MMEL1: variants seen among roughly 807,000 people sequenced by gnomAD.
MMEL1 encodes the protein membrane metallo-endopeptidase-like 1.
Under a neutral mutation model 117.1 loss-of-function variants are expected in MMEL1, and 98 were observed. That is an observed-to-expected ratio of 0.84 (90% CI 0.71 to 0.99). MMEL1 has a LOEUF of 0.99. Among genes scored for constraint, MMEL1 ranks in the 50% least tolerant of loss-of-function variants. The pLI, the probability that MMEL1 is intolerant of heterozygous loss-of-function variation, is 0.00. For synonymous variants in MMEL1, 390 were observed against 415.1 expected (o/e 0.94, Z 0.74); for missense variants, 1,014 against 1,049.1 (o/e 0.97, Z 0.46).
intron 11 of MMEL1, among the ~76,000 whole-genome samples, chr1:2,601,161 T>C (rs1018461331): frequency 2.6e-5 from 4 of 152,216 alleles, no homozygotes; most frequent in Non-Finnish European, 5.9e-5. Context: ...AAGACACTCT[T>C]GAAGAACAAA....
Position 2,595,998 on chromosome 1 carries a change from G to C in MMEL1, c.1500+11C>G, listed in dbSNP as rs79090742. On this transcript the variant is annotated intron_variant, in intron 15 of 23. Coordinates refer to ENST00000378412, the MANE Select transcript of MMEL1 (RefSeq NM_033467.4). The surrounding 1 kb of genome is among the most constrained non-coding windows in gnomAD (Gnocchi z 4.8). ...CAGTCGGGGCTGCCCTGACCTCTGC[G>C]AGCCACATACCTTCTCCTGCGCCTT... 2 of 1,612,258 alleles carry C rather than the reference G, an allele frequency of 1.2e-6. No homozygotes were observed. The highest frequency in any genetic ancestry group is 1.7e-6 in the Non-Finnish European group (2 of 1,178,692).
intron 9 of MMEL1, among the ~76,000 whole-genome samples, chr1:2,605,033 G>A (rs1337093335): frequency 6.6e-6 from 1 of 152,154 alleles, no homozygotes; most frequent in Non-Finnish European, 1.5e-5. Flanking sequence ...CCTCATGCCT[G>A]TTCACCTCTG....
chr1:2,626,880 C>T (rs893254251), intron 2 of MMEL1, among the ~76,000 whole-genome samples: 1 of 152,136 alleles, frequency 6.6e-6, no homozygotes, highest in African/African-American at 2.4e-5. Context: ...ATGAGACACA[C>T]AAAACAACAC....
At chr1:2,627,993 A>G (rs1638348444) in intron 2 of MMEL1, among the ~76,000 whole-genome samples, 1 of 152,248 alleles carries the variant, frequency 6.6e-6, no homozygotes. Context: ...GGGTGGGCTC[A>G]GGCCCTTTGG....
chr1:2,596,626 TGCTGTTGACGTA>T lies in MMEL1; in HGVS notation c.1324_1335del (p.Tyr442_Ser445del). ...AGGGAGCCCACGGCGTTCTCCATGT[TGCTGTTGACGTA>T]GCCCACACATTCACGCCAGCGCACC... On this transcript the variant is annotated inframe_deletion, in exon 14 of 24. Coordinates refer to ENST00000378412, the MANE Select transcript of MMEL1 (RefSeq NM_033467.4). 6.2e-7 allele frequency: 1 copy of T among 1,613,230 alleles called. No homozygotes were observed.
chr1:2,591,475 G>T, intron 23 of MMEL1, 82 bp downstream of exon 23: 1 of 1,165,002 alleles, frequency 8.6e-7, no homozygotes, highest in Non-Finnish European at 1.3e-6. Context: ...GCCACTTTTT[G>T]TGCTTTCTTC....
At position 2,593,881 on chromosome 1, in the gene MMEL1, C is replaced by T; in HGVS notation, c.1800G>A (p.Gln600=). The T allele has an allele frequency of 6.2e-7, 1 of 1,612,772 alleles. No individual in the cohort carries two copies. Among genetic ancestry groups the T allele is most frequent in the Non-Finnish European group, 8.5e-7 (1 of 1,179,362 alleles). Residue 600 remains glutamine, a synonymous_variant, in exon 19 of 24, where the codon CAG becomes CAA. Transcript: ENST00000378412. ...TCCCAATGCCTCCAAAGTTCAAGGC[C>T]TGTGGCTGCTCCTTGCTGAAGAAGG... ...QPPFFSKEQP[Q]ALNFGGIGMV...
intron 11 of MMEL1, among the ~76,000 whole-genome samples, chr1:2,602,200 C>A (rs1644944182): frequency 1.8e-5 from 1 of 55,188 alleles, no homozygotes; most frequent in South Asian, 8.0e-4. Context: ...GTCTCTTCTC[C>A]AGGGAAGGAG....
rs1351227067 is a variant in MMEL1 at position 2,595,380 on chromosome 1, G to C, written c.1501-21C>G. 2 of 1,609,910 alleles carry C rather than the reference G, an allele frequency of 1.2e-6. No individual in the cohort carries two copies. The highest frequency in any genetic ancestry group is 3.3e-5 in the Admixed American group (2 of 59,998). On this transcript the variant is annotated intron_variant, in intron 15 of 23. Coordinates refer to ENST00000378412, the MANE Select transcript of MMEL1 (RefSeq NM_033467.4). This position sits in a 1 kb window ranked among gnomAD's most constrained non-coding sequence, Gnocchi z 4.8. ...ATGGCCTGAGTGGGGAGGAGGGACT[G>C]GTCAGTGGGTGCCCCACTGCGGATG...
At chr1:2,606,463 G>T in intron 7 of MMEL1, 97 bp from the exon 8 acceptor site, 1 of 864,688 alleles carries the variant, frequency 1.2e-6, no homozygotes, top group South Asian at 1.5e-5. Context: ...AGGAACTAGG[G>T]GGCCATAGGG....
intron 19 of MMEL1, 139 bp downstream of exon 19, chr1:2,593,675 C>T (rs1644780844): frequency 3.2e-6 from 4 of 1,250,940 alleles, no homozygotes; most frequent in South Asian, 3.8e-5. Context: ...CTGCTCTGCC[C>T]CCACAGCTCC....
rs538022744 is a variant in MMEL1, at chr1:2,609,846, G to A, written c.293-15C>T. On this transcript the variant is annotated splice_polypyrimidine_tract_variant and intron_variant, in intron 4 of 23. Coordinates refer to ENST00000378412, the MANE Select transcript of MMEL1 (RefSeq NM_033467.4). ...GATCCTGGCAGCTGCTCGTCCCCAT[G>A]GCGTGGAGCAGGGAGAGGGGAGACA... 36 of 1,595,308 alleles carry A rather than the reference G, an allele frequency of 2.3e-5. No homozygotes were observed. In the South Asian group the frequency reaches 3.3e-4, roughly 15 times the overall value.
intron 14 of MMEL1, 41 bp downstream of exon 14, chr1:2,596,520 G>T: frequency 1.9e-6 from 3 of 1,594,882 alleles, no homozygotes; most frequent in Non-Finnish European, 2.6e-6. Context: ...TGTCCCTGTG[G>T]AAGGCTGGCC....
intron 2 of MMEL1, among the ~76,000 whole-genome samples, chr1:2,625,104 G>A (rs2100965074): frequency 6.6e-6 from 1 of 152,270 alleles, no homozygotes; most frequent in East Asian, 1.9e-4. Flanking sequence ...GAGATTGGGT[G>A]GGGACGCAGA....
In MMEL1 at chr1:2,598,761, A is replaced by G. The variant is rs775605648; in HGVS notation, c.1071T>C (p.Thr357=). Residue 357 remains threonine, a synonymous_variant, in exon 12 of 24, where the codon ACT becomes ACC. Transcript: ENST00000378412. ...GCTTGATTTTGACAGAGGATAGCAC[A>G]GTTTGTATGAACAGAGTCCAGTTAA... ...KGFNWTLFIQ[T]VLSSVKIKLL... The G allele has an allele frequency of 6.2e-7, 1 of 1,613,780 alleles. No individual in the cohort carries two copies. Among genetic ancestry groups the G allele is most frequent in the Non-Finnish European group, 8.5e-7 (1 of 1,179,784 alleles).
At chr1:2,616,714 G>A (rs1030326071) in intron 2 of MMEL1, among the ~76,000 whole-genome samples, 2 of 152,164 alleles carry the variant, frequency 1.3e-5, no homozygotes, top group Non-Finnish European at 2.9e-5. Context: ...AAAGTGTGAC[G>A]GGAGACCTGG....
chr1:2,606,169 C>T (rs1645023266), intron 8 of MMEL1, 79 bp downstream of exon 8: 3 of 1,166,064 alleles, frequency 2.6e-6, no homozygotes, highest in East Asian at 2.3e-5. Flanking sequence ...CGGCCTGGCC[C>T]ATCCTTCTGC....
intron 2 of MMEL1, among the ~76,000 whole-genome samples, chr1:2,624,177 C>T (rs1645334170): frequency 6.6e-6 from 1 of 152,206 alleles, no homozygotes; most frequent in Admixed American, 6.5e-5. Flanking sequence ...AACAGCAACT[C>T]ACCACTCACA....
intron 23 of MMEL1, 80 bp downstream of exon 23, chr1:2,591,477 G>T: frequency 1.7e-6 from 2 of 1,185,848 alleles, no homozygotes; most frequent in Non-Finnish European, 2.5e-6. Context: ...CACTTTTTGT[G>T]CTTTCTTCTT....
Sources: allele counts gnomAD v4.1 joint callset (sites outside exome capture counted in the v4.1 genomes callset), GRCh38; gene constraint gnomAD v4.1.1; non-coding constraint Gnocchi (gnomAD v3.1); transcripts MANE v1.5; gene names NCBI Gene and HGNC (gene_info 2026-07-23, HGNC 2026-07-21).